PCIF1: variants seen among roughly 807,000 people sequenced by gnomAD.
The protein encoded by PCIF1 is phosphorylated CTD interacting factor 1.
Under a neutral mutation model 86.9 loss-of-function variants are expected in PCIF1, and 12 were observed. The observed-to-expected ratio is 0.14, with a 90% CI of 0.09 to 0.22. PCIF1 has a LOEUF of 0.22. PCIF1 is among the 10% of genes least tolerant of loss of function. PCIF1 has a pLI of 1.00. For missense variants in PCIF1, 701 were observed against 951.1 expected, an observed-to-expected ratio of 0.74 and a Z score of 3.46; for synonymous variants, 397 against 372.0, an observed-to-expected ratio of 1.07 and a Z score of -0.77.
rs748870221 is a variant in PCIF1 at position 45,941,092 on chromosome 20, C to G, written c.558C>G (p.Ile186Met). 1.7e-5 allele frequency: 28 copies of G among 1,614,114 alleles called. No individual in the cohort carries two copies. The African/African-American group carries it at 3.2e-4, about 18-fold the overall frequency. ...TGGACATCCAGACCAATGCTGTCATCAAGCACCGGGGGCCTTCAGAGGTGC... is the reference window on the plus strand; with the variant it reads ...TGGACATCCAGACCAATGCTGTCATGAAGCACCGGGGGCCTTCAGAGGTGC... Reference protein sequence around the residue: ...WDLDIQTNAVIKHRGPSEVLP... With the variant: ...WDLDIQTNAVMKHRGPSEVLP... The change falls in exon 7 of 17, where the codon ATC becomes ATG. Residue 186 changes from isoleucine to methionine, a missense_variant. By Grantham distance (10) the Ile-to-Met change is conservative (BLOSUM62 1). Transcript: ENST00000372409.
At chr20:45,946,610 AGT>A (rs2083529277) in intron 14 of PCIF1, among the ~76,000 whole-genome samples, 1 of 72,722 alleles carries the variant, frequency 1.4e-5, no homozygotes, top group South Asian at 3.4e-4. Context: ...TGGGTTTCTC[AGT>A]GAGTCAGTTC....
In PCIF1 at chr20:45,944,972, G is replaced by A; in HGVS notation, c.1110G>A (p.Glu370=). The change falls in exon 11 of 17, where the codon GAG becomes GAA. Residue 370 remains glutamate, a synonymous_variant. Coordinates refer to ENST00000372409, the MANE Select transcript of PCIF1 (RefSeq NM_022104.4). ...ICSKIYHISL[E]YVKRIREKHL... ...GTAAGATCTACCACATCTCCCTGGA[G>A]TACGTCAAACGGATCCGAGAGAAGC... 1.9e-6 allele frequency: 3 copies of A among 1,614,120 alleles called. No homozygotes were observed. Among genetic ancestry groups the A allele is most frequent in the South Asian group, 1.1e-5 (1 of 91,074 alleles).
intron 4 of PCIF1, among the ~76,000 whole-genome samples, chr20:45,939,744 T>C (rs1483167019): frequency 6.6e-6 from 1 of 151,752 alleles, no homozygotes; most frequent in Non-Finnish European, 1.5e-5. Context: ...TGAGAATGAG[T>C]GTTTAAGGTG....
At chr20:45,941,699 G>C (rs6065909) in intron 7 of PCIF1, among the ~76,000 whole-genome samples, 135,224 of 152,034 alleles carry the variant, frequency 0.89, 60,900 homozygotes, top group Non-Finnish European at 0.95. Context: ...ACCTTGTGAT[G>C]CGCCCGCCTC....
intron 2 of PCIF1, among the ~76,000 whole-genome samples, chr20:45,938,599 T>C (rs561882359): frequency 9.9e-5 from 15 of 152,258 alleles, no homozygotes; most frequent in African/African-American, 3.6e-4. Flanking sequence ...GACAGTTTAG[T>C]GGGGAGACAA....
At chr20:45,942,981 T>G in intron 7 of PCIF1, 116 bp from the exon 8 acceptor site, 1 of 1,092,840 alleles carries the variant, frequency 9.2e-7, no homozygotes. Flanking sequence ...CCTAGAAGCT[T>G]CTGAAGTGGG....
rs1002669502 is a variant in PCIF1, at chr20:45,943,037, A to G, written c.674-60A>G. 1 of 1,550,708 alleles carries G rather than the reference A, an allele frequency of 6.4e-7. No homozygotes were observed. Among genetic ancestry groups the G allele is most frequent in the Non-Finnish European group, 8.8e-7 (1 of 1,133,628 alleles). Reference sequence around the variant, plus strand: ...GAATGCGATGCTTCCTATACGTGCCAAGCTCCAAGTGGGACTGCTTGATTA... The same window carrying G: ...GAATGCGATGCTTCCTATACGTGCCGAGCTCCAAGTGGGACTGCTTGATTA... On this transcript the variant is annotated intron_variant, in intron 7 of 16. Coordinates refer to ENST00000372409, the MANE Select transcript of PCIF1 (RefSeq NM_022104.4). The surrounding 1 kb of genome is among the most constrained non-coding windows in gnomAD (Gnocchi z 5.5).
In PCIF1 at chr20:45,943,400, C is replaced by G; in HGVS notation, c.882C>G (p.Ala294=). 1.9e-6 allele frequency: 3 copies of G among 1,613,584 alleles called. No homozygotes were observed. Among genetic ancestry groups the G allele is most frequent in the Non-Finnish European group, 2.5e-6 (3 of 1,179,948 alleles). Reference sequence around the variant, plus strand: ...GCCTGCTCTTTAAATATGCGGAGGCCGCCAGGCGGCTCATCGAGTCCAGGT... The same window carrying G: ...GCCTGCTCTTTAAATATGCGGAGGCGGCCAGGCGGCTCATCGAGTCCAGGT... ...AKRLLFKYAE[A]ARRLIESRSA... The change falls in exon 9 of 17, where the codon GCC becomes GCG. Residue 294 remains alanine, a synonymous_variant. Transcript: ENST00000372409. This position sits in a 1 kb window ranked among gnomAD's most constrained non-coding sequence, Gnocchi z 5.5.
intron 1 of PCIF1, among the ~76,000 whole-genome samples, chr20:45,935,468 G>A (rs1350674952): frequency 1.3e-5 from 2 of 152,108 alleles, no homozygotes; most frequent in African/African-American, 2.4e-5. Context: ...GATAAATAAA[G>A]ACGTTAACTT....
At chr20:45,939,170 C>T in intron 3 of PCIF1, 45 bp from the exon 4 acceptor site, 1 of 1,613,984 alleles carries the variant, frequency 6.2e-7, no homozygotes, top group Non-Finnish European at 8.5e-7. Flanking sequence ...GAAGGGCACC[C>T]TGGGAGCAGT....
rs1043486085 is a variant in PCIF1, at chr20:45,944,907, G to A, written c.1045G>A (p.Val349Ile). The A allele has an allele frequency of 5.6e-6, 9 of 1,613,996 alleles. No homozygotes were observed. In the Admixed American group the frequency reaches 6.7e-5, roughly 12 times the overall value. ...EHLRRQCGPHVSAAAKDSVEG... is the reference protein window; with the variant it reads ...EHLRRQCGPHISAAAKDSVEG... ...TCTGCGGAGGCAGTGTGGCCCCCAC[G>A]TCTCGGCCGCAGCCAAGGACTCCGT... The change falls in exon 11 of 17, where the codon GTC becomes ATC. Residue 349 changes from valine (V) to isoleucine (I), a missense_variant. Val to Ile is a conservative substitution (Grantham distance 29, BLOSUM62 3). Around this residue, in one of 7 missense-constraint regions of PCIF1, gnomAD observed 129 missense variants for 245.9 expected, o/e 0.52. Transcript: ENST00000372409.
At position 45,946,260 on chromosome 20, in the gene PCIF1, G is replaced by A. The variant is rs556636968; in HGVS notation, c.1489G>A (p.Val497Ile). 1.2e-6 allele frequency: 2 copies of A among 1,614,198 alleles called. No homozygotes were observed. Among genetic ancestry groups the A allele is most frequent in the South Asian group, 1.1e-5 (1 of 91,086 alleles). ...TGLQGSLPVH[V>I]FEALHRLFGV... is the part of the protein sequence containing the mutation. ...CCTGCAGGGATCGCTGCCTGTGCAT[G>A]TCTTTGAGGCCCTCCACCGACTCTT... The change falls in exon 14 of 17, where the codon GTC becomes ATC. Residue 497 changes from valine to isoleucine, a missense_variant. Transcript: ENST00000372409.
At chr20:45,939,429 C>T (rs779112033) in intron 4 of PCIF1, 90 bp downstream of exon 4, 21 of 1,557,822 alleles carry the variant, frequency 1.3e-5, no homozygotes, top group Non-Finnish European at 1.8e-5. Context: ...GTTCAGTGCC[C>T]AGCCCTGTGC....
rs367938445 is a variant in PCIF1 at position 45,940,876 on chromosome 20, C to T, written c.455C>T (p.Thr152Met). ...TCCCCCAGTATCCCAGGAACCCCAA[C>T]GCTGAAGATGTGGGGTACGTCCCCT... is the stretch of plus-strand genomic sequence containing the variant. Reference protein sequence around the residue: ...PSSPSIPGTPTLKMWGTSPED... With the variant: ...PSSPSIPGTPMLKMWGTSPED... Residue 152 changes from threonine to methionine, a missense_variant, in exon 6 of 17, where the codon ACG (threonine) becomes ATG (methionine). Around this residue, in one of 7 missense-constraint regions of PCIF1, gnomAD observed 125 missense variants for 126.8 expected, o/e 0.99. Transcript: ENST00000372409. 1.4e-5 allele frequency: 22 copies of T among 1,614,082 alleles called. No individual in the cohort carries two copies. In the African/African-American group the frequency reaches 1.7e-4, roughly 13 times the overall value.
At chr20:45,938,417 A>G (rs531418017) in intron 2 of PCIF1, among the ~76,000 whole-genome samples, 5 of 152,246 alleles carry the variant, frequency 3.3e-5, no homozygotes, top group African/African-American at 1.2e-4. Context: ...AGTTGTTACT[A>G]TTCCTTCTTG....
rs767396802 is a variant in PCIF1 at position 45,939,042 on chromosome 20, C to T, written c.43C>T (p.Leu15=). 22 of 1,613,962 alleles carry T rather than the reference C, an allele frequency of 1.4e-5. No individual in the cohort carries two copies. The highest frequency in any genetic ancestry group is 1.8e-5 in the Non-Finnish European group (21 of 1,180,006). Reference sequence around the variant, plus strand: ...CGGCAGCCCCCGGGAGGAAGCGTCCCTGCTGAGTCACTCCCCAGGTACCTC... The same window carrying T: ...CGGCAGCCCCCGGGAGGAAGCGTCCTTGCTGAGTCACTCCCCAGGTACCTC... ...NHGSPREEAS[L]LSHSPGTSNQ... The change falls in exon 3 of 17, where the codon CTG becomes TTG. Residue 15 remains leucine (L), a synonymous_variant. Coordinates refer to ENST00000372409, the MANE Select transcript of PCIF1 (RefSeq NM_022104.4).
At chr20:45,939,993 C>G (rs540259002) in intron 4 of PCIF1, among the ~76,000 whole-genome samples, 1 of 152,204 alleles carries the variant, frequency 6.6e-6, no homozygotes, top group Non-Finnish European at 1.5e-5. Flanking sequence ...ATAGGCAGAG[C>G]AGGACGCACA....
rs2083401232 is a variant in PCIF1, at chr20:45,934,782, C to T, written c.-210C>T. ...GGTCGAGCAGAACGTGTAGCCGCGTCCCCTCCAGTCCGCTCCGGGCAGGTA... is the reference window on the plus strand; with the variant it reads ...GGTCGAGCAGAACGTGTAGCCGCGTTCCCTCCAGTCCGCTCCGGGCAGGTA... On this transcript the variant is annotated 5_prime_UTR_variant, in exon 1 of 17. Transcript: ENST00000372409. 5.0e-6 allele frequency: 2 copies of T among 398,144 alleles called. No homozygotes were observed. The highest frequency in any genetic ancestry group is 1.3e-4 in the South Asian group (1 of 7,864). 24.7% of individuals were successfully genotyped at this position (398,144 alleles called of 1,614,324 possible). A position where few individuals can be genotyped will look rare whatever the true frequency, so the allele number is the denominator to read the frequency against.
intron 4 of PCIF1, among the ~76,000 whole-genome samples, chr20:45,940,231 AGTGGT>A (rs1159949143): frequency 6.6e-6 from 1 of 152,188 alleles, no homozygotes; most frequent in Non-Finnish European, 1.5e-5. Flanking sequence ...TAATAATCTC[AGTGGT>A]GATGTAGGGA....
Sources: allele counts gnomAD v4.1 joint callset (sites outside exome capture counted in the v4.1 genomes callset), GRCh38; gene constraint gnomAD v4.1.1; regional missense constraint gnomAD v4.1.1; non-coding constraint Gnocchi (gnomAD v3.1); transcripts MANE v1.5; gene names NCBI Gene and HGNC (gene_info 2026-07-23, HGNC 2026-07-21).